Variants in IGSF10 observed in about 807,000 individuals in gnomAD.
The protein encoded by IGSF10 is calvaria mechanical force protein 608.
Under a neutral mutation model 128.2 loss-of-function variants are expected in IGSF10, and 126 were observed. The ratio of observed to expected loss-of-function variants is 0.98; its 90% CI spans 0.85 to 1.14. The LOEUF (loss-of-function observed/expected upper bound fraction) is 1.14. Ranked by LOEUF, IGSF10 falls within the 50% of genes most tolerant of loss-of-function variation. The probability of loss-of-function intolerance (pLI) is 0.00; values close to 1 mark genes in which losing one functional copy is unlikely to be tolerated. For synonymous variants in IGSF10, 1,185 were observed against 1,146.2 expected (o/e 1.03, Z -0.68); for missense variants, 3,295 against 3,149.8 (o/e 1.05, Z -1.10).
chr3:151,597,448 A>G, the IGSF10 span, among the ~76,000 whole-genome samples: 1 of 152,266 alleles, frequency 6.6e-6, no homozygotes, highest in African/African-American at 2.4e-5. Flanking sequence ...AAGATGAGGA[A>G]GAAGAACATC....
chr3:151,435,601 C>CATTTATAAAGCTCCT (rs1720063421), downstream of IGSF10: 1 of 140,910 alleles, frequency 7.1e-6, no homozygotes, highest in Non-Finnish European at 1.5e-5. Flanking sequence ...ATTTTTTTCC[C>CATTTATAAAGCTCCT]ATTTATAAAG....
the IGSF10 span, among the ~76,000 whole-genome samples, chr3:151,494,174 A>G: frequency 6.6e-6 from 1 of 152,226 alleles, no homozygotes; most frequent in East Asian, 1.9e-4. Flanking sequence ...TTTCTTGGAA[A>G]GAGACCCAGG....
At chr3:151,467,455 C>A in the IGSF10 span, among the ~76,000 whole-genome samples, 3 of 152,138 alleles carry the variant, frequency 2.0e-5, no homozygotes, top group African/African-American at 7.2e-5. Flanking sequence ...GCTTCCTGAC[C>A]TTTACCAATT....
the IGSF10 span, among the ~76,000 whole-genome samples, chr3:151,502,726 G>C: frequency 6.6e-6 from 1 of 151,804 alleles, no homozygotes; most frequent in Non-Finnish European, 1.5e-5. Context: ...TTGGTTATTT[G>C]GACCAACCTC....
chr3:151,526,047 C>T, the IGSF10 span, among the ~76,000 whole-genome samples: 1 of 152,178 alleles, frequency 6.6e-6, no homozygotes, highest in Non-Finnish European at 1.5e-5. Context: ...CTTGTTGCTC[C>T]AAGGCCCCTC....
chr3:151,455,364 T>TCCC (rs1446706762), intron 4 of IGSF10, among the ~76,000 whole-genome samples: 1 of 151,364 alleles, frequency 6.6e-6, no homozygotes, highest in African/African-American at 2.4e-5. Context: ...TGCCCCCCCT[T>TCCC]GGCCTCCCAA....
chr3:151,618,468 C>A, the IGSF10 span, among the ~76,000 whole-genome samples: 10 of 152,106 alleles, frequency 6.6e-5, no homozygotes, highest in Admixed American at 6.5e-5. Flanking sequence ...CGGTGGCTCA[C>A]GCCTGTAATC....
chr3:151,600,946 A>G, the IGSF10 span, among the ~76,000 whole-genome samples: 2 of 151,996 alleles, frequency 1.3e-5, no homozygotes. Context: ...CTTTTGGGTT[A>G]AGATTCTGTT....
At chr3:151,495,188 G>T in the IGSF10 span, among the ~76,000 whole-genome samples, 2 of 152,034 alleles carry the variant, frequency 1.3e-5, no homozygotes, top group African/African-American at 4.8e-5. Flanking sequence ...CTTTTTCTCT[G>T]GGCATTAACT....
chr3:151,445,437 G>A lies in IGSF10; in HGVS notation c.4544C>T (p.Pro1515Leu), dbSNP rs1721127418. 1.7e-5 allele frequency: 28 copies of A among 1,614,060 alleles called. No individual in the cohort carries two copies. Among genetic ancestry groups the A allele is most frequent in the Non-Finnish European group, 2.3e-5 (27 of 1,180,044 alleles). ...TGCAACCTCTGCTACTAATTGCTGTGGTTTAGCATTGTGCCTTGAGGATTC... is the reference window on the plus strand; with the variant it reads ...TGCAACCTCTGCTACTAATTGCTGTAGTTTAGCATTGTGCCTTGAGGATTC... ...LHESSRHNAK[P>L]QQLVAEVATS... The change falls in exon 6 of 8, where the codon CCA (proline) becomes CTA (leucine). Residue 1515 changes from proline to leucine, a missense_variant. By Grantham distance (98) the Pro-to-Leu change is moderately conservative. Coordinates refer to ENST00000282466, the MANE Select transcript of IGSF10 (RefSeq NM_178822.5).
the IGSF10 span, among the ~76,000 whole-genome samples, chr3:151,614,933 T>C: frequency 6.7e-6 from 1 of 150,250 alleles, no homozygotes; most frequent in African/African-American, 2.4e-5. Flanking sequence ...ATAATTATGG[T>C]GATATCAATG....
chr3:151,598,361 A>G, the IGSF10 span, among the ~76,000 whole-genome samples: 1 of 151,676 alleles, frequency 6.6e-6, no homozygotes, highest in African/African-American at 2.4e-5. Context: ...AGCATCTCAG[A>G]CAAAAGAGAA....
In IGSF10 at chr3:151,447,171, C is replaced by G. The variant is rs1255094814; in HGVS notation, c.2810G>C (p.Ser937Thr). 1 of 1,614,176 alleles carries G rather than the reference C, an allele frequency of 6.2e-7. No individual in the cohort carries two copies. Among genetic ancestry groups the G allele is most frequent in the Admixed American group, 1.7e-5 (1 of 60,020 alleles). Residue 937 changes from serine to threonine, a missense_variant, in exon 6 of 8, where the codon AGT (serine) becomes ACT (threonine). Transcript: ENST00000282466. ...MIKDVNVKML[S>T]STTNKLLLES... ...TAATAATAGTTTGTTGGTGGTGCTACTAAGCATTTTGACATTGACATCTTT... is the reference window on the plus strand; with the variant it reads ...TAATAATAGTTTGTTGGTGGTGCTAGTAAGCATTTTGACATTGACATCTTT...
Position 151,453,580 on chromosome 3 carries a change from A to G in IGSF10, c.519T>C (p.Phe173=). The change falls in exon 5 of 8, where the codon TTT becomes TTC. Residue 173 remains phenylalanine (F), a synonymous_variant. Coordinates refer to ENST00000282466, the MANE Select transcript of IGSF10 (RefSeq NM_178822.5). ...NQLTKLHPDT[F]VSLSYLQIFK... is the part of the protein sequence containing the mutation. The stretch of plus-strand genomic sequence containing the variant: ...ATATCTGGAGGTAGCTCAAAGAGAC[A>G]AATGTATCTGGGTGGAGCTTAGTGA... 1 of 1,613,998 alleles carries G rather than the reference A, an allele frequency of 6.2e-7. No homozygotes were observed. Among genetic ancestry groups the G allele is most frequent in the Non-Finnish European group, 8.5e-7 (1 of 1,179,850 alleles).
At chr3:151,498,672 A>C in the IGSF10 span, among the ~76,000 whole-genome samples, 1 of 152,146 alleles carries the variant, frequency 6.6e-6, no homozygotes, top group Non-Finnish European at 1.5e-5. Context: ...AAGTAGACAA[A>C]TTGAAAATTT....
the IGSF10 span, among the ~76,000 whole-genome samples, chr3:151,486,070 G>C: frequency 6.6e-6 from 1 of 152,134 alleles, no homozygotes; most frequent in Non-Finnish European, 1.5e-5. Context: ...CACGTGCAAA[G>C]ACTCACACAT....
the IGSF10 span, among the ~76,000 whole-genome samples, chr3:151,570,813 C>A: frequency 2.6e-5 from 4 of 152,164 alleles, no homozygotes; most frequent in African/African-American, 9.7e-5. Context: ...CTTGCCCATG[C>A]CTGTGTCCTG....
At chr3:151,454,177 C>T (rs1248220093) in intron 4 of IGSF10, among the ~76,000 whole-genome samples, 1 of 151,860 alleles carries the variant, frequency 6.6e-6, no homozygotes, top group Non-Finnish European at 1.5e-5. Context: ...ACCACCATGC[C>T]CAGCTAATTT....
the IGSF10 span, among the ~76,000 whole-genome samples, chr3:151,572,240 G>A: frequency 6.6e-6 from 1 of 152,182 alleles, no homozygotes; most frequent in African/African-American, 2.4e-5. Flanking sequence ...CTCATAAAAT[G>A]AGTTAGGGAG....
Sources: gnomAD v4.1 joint callset for allele counts (sites outside exome capture counted in the v4.1 genomes callset) on GRCh38, gnomAD v4.1.1 for gene constraint, MANE v1.5 for transcripts, NCBI Gene and HGNC (gene_info 2026-07-23, HGNC 2026-07-21) for gene names.